EED: variants seen among roughly 807,000 people sequenced by gnomAD.
EED encodes embryonic ectoderm development.
EED carries 9 observed loss-of-function variants against 61.0 expected under a neutral mutation model. The ratio of observed to expected loss-of-function variants is 0.15; its 90% CI spans 0.09 to 0.26. EED has a LOEUF of 0.26. Ranked by LOEUF, EED falls within the 10% of genes least tolerant of loss-of-function variation. EED has a pLI of 1.00. For missense variants in EED, 315 were observed against 542.3 expected (o/e 0.58, Z 4.16); for synonymous variants, 187 against 174.4 (o/e 1.07, Z -0.57).
chr11:86,276,725 G>A (rs755145730), intron 9 of EED: 13 of 274,502 alleles, frequency 4.7e-5, no homozygotes, highest in Non-Finnish European at 8.1e-5. Flanking sequence ...AAAGAGAAAT[G>A]TTGACTTCCA....
At chr11:86,253,371 A>G (rs1037797490) in intron 3 of EED, among the ~76,000 whole-genome samples, 2 of 152,226 alleles carry the variant, frequency 1.3e-5, no homozygotes, top group African/African-American at 4.8e-5. Context: ...TTAAGACACC[A>G]CTGTAAACCT....
intron 9 of EED, among the ~76,000 whole-genome samples, chr11:86,273,149 G>T (rs1042955931): frequency 6.6e-6 from 1 of 152,068 alleles, no homozygotes; most frequent in African/African-American, 2.4e-5. Flanking sequence ...TCAGCCTCCC[G>T]AGTAGCTAGG....
chr11:86,280,800 G>A (rs1946314906), downstream of EED, among the ~76,000 whole-genome samples: 1 of 152,114 alleles, frequency 6.6e-6, no homozygotes, highest in African/African-American at 2.4e-5. Context: ...TTAGTTATTG[G>A]CATGTCACAC....
At chr11:86,246,718 A>G (rs1057173479) in intron 1 of EED, among the ~76,000 whole-genome samples, 2 of 152,156 alleles carry the variant, frequency 1.3e-5, no homozygotes, top group Admixed American at 1.3e-4. Flanking sequence ...CGTTCATTTT[A>G]TTTCTGCGTT....
chr11:86,274,357 C>T (rs1001346606), intron 9 of EED, among the ~76,000 whole-genome samples: 5 of 152,064 alleles, frequency 3.3e-5, no homozygotes, highest in African/African-American at 1.2e-4. Context: ...TATTGATTAT[C>T]TTTTTAAAGC....
chr11:86,278,175 A>T, intron 11 of EED, 184 bp downstream of exon 11: 1 of 1,326,444 alleles, frequency 7.5e-7, no homozygotes. Flanking sequence ...TACCTTGGTG[A>T]CAAGTCATTT....
At chr11:86,264,016 A>C (rs956831668) in intron 6 of EED, 156 bp from the exon 7 acceptor site, 2 of 585,928 alleles carry the variant, frequency 3.4e-6, no homozygotes, top group Non-Finnish European at 6.0e-6. Flanking sequence ...TCTACATCTG[A>C]TGTAAACATT....
rs1292309172 is a variant in EED at position 86,266,181 on chromosome 11, G to C, written c.825G>C (p.Lys275Asn). 1.4e-5 allele frequency: 23 copies of C among 1,602,868 alleles called. No homozygotes were observed. The highest frequency in any genetic ancestry group is 1.7e-5 in the Non-Finnish European group (20 of 1,172,366). Residue 275 changes from lysine (K) to asparagine (N), a missense_variant, in exon 8 of 12, where the codon AAG (lysine) becomes AAC (asparagine). By Grantham distance (94) the Lys-to-Asn change is moderately conservative (BLOSUM62 0). Coordinates refer to ENST00000263360, the MANE Select transcript of EED (RefSeq NM_003797.5). ...INSKRMMNAI[K>N]ESYDYNPNKT... ...CAAAGAGAATGATGAATGCAATTAA[G>C]GAATCTTATGATTATAATCCAAATA...
At chr11:86,252,595 T>A (rs933505449) in intron 3 of EED, among the ~76,000 whole-genome samples, 1 of 152,040 alleles carries the variant, frequency 6.6e-6, no homozygotes. Context: ...CTGGCTGTGA[T>A]TTTTTTAAAA....
At position 86,259,476 on chromosome 11, in the gene EED, T is replaced by C. The variant is rs1225765536; in HGVS notation, c.634+1880T>C. ...ACAGGCACGTGCCGCCATACCTGGC[T>C]AATTTTGTAAAAAATGTTTTTGTAG... On this transcript the variant is annotated intron_variant, in intron 6 of 11. Coordinates refer to ENST00000263360, the MANE Select transcript of EED (RefSeq NM_003797.5). Among the ~76,000 whole-genome samples, 4 of 152,116 alleles carry C rather than the reference T, an allele frequency of 2.6e-5. No homozygotes were observed. The East Asian group carries it at 5.8e-4, about 22-fold the overall frequency.
chr11:86,259,154 C>T (rs939654813), intron 6 of EED, among the ~76,000 whole-genome samples: 2 of 151,382 alleles, frequency 1.3e-5, no homozygotes, highest in African/African-American at 4.8e-5. Context: ...AGGCGTGAGC[C>T]ACTGCGCACA....
intron 6 of EED, among the ~76,000 whole-genome samples, chr11:86,258,739 A>G (rs1192157904): frequency 6.6e-6 from 1 of 151,204 alleles, no homozygotes; most frequent in East Asian, 2.0e-4. Flanking sequence ...TATTTTTAGT[A>G]GAGATACGGT....
intron 6 of EED, among the ~76,000 whole-genome samples, chr11:86,259,409 T>G (rs115507173): frequency 0.031 from 4,755 of 152,136 alleles, 241 homozygotes; most frequent in African/African-American, 0.11. Flanking sequence ...AGTGGTGTGA[T>G]CATGGCTCAC....
In EED at chr11:86,256,342, T is replaced by C; in HGVS notation, c.427-45T>C. 2.0e-6 allele frequency: 3 copies of C among 1,466,296 alleles called. No individual in the cohort carries two copies. In the South Asian group the frequency reaches 4.5e-5, roughly 22 times the overall value. The allele number at this position is 1,466,296 out of a possible 1,614,324, so 90.8% of individuals were successfully genotyped here. ...GTTTCTATTATAATTATTGACATGT[T>C]TCTTTTTCAAAAACATTATGTTTCT... On this transcript the variant is annotated intron_variant, in intron 4 of 11. Coordinates refer to ENST00000263360, the MANE Select transcript of EED (RefSeq NM_003797.5).
intron 9 of EED, 38 bp downstream of exon 9, chr11:86,268,599 G>GTGTT (rs924249792): frequency 2.0e-6 from 2 of 977,774 alleles, no homozygotes; most frequent in Non-Finnish European, 3.0e-6. Flanking sequence ...TCCATCGTGT[G>GTGTT]TGTGTGTGTG....
intron 6 of EED, 94 bp downstream of exon 6, chr11:86,257,690 C>A (rs756294242): frequency 5.0e-6 from 5 of 997,540 alleles, no homozygotes; most frequent in South Asian, 3.4e-5. Context: ...TAGGAAAAAC[C>A]ATGAGAAGAG....
At chr11:86,255,026 A>C (rs1307311273) in intron 3 of EED, among the ~76,000 whole-genome samples, 196 bp from the exon 4 acceptor site, 1 of 152,256 alleles carries the variant, frequency 6.6e-6, no homozygotes, top group African/African-American at 2.4e-5. Context: ...CTATTACTGC[A>C]ATATTTAATA....
At chr11:86,266,674 A>G (rs1945989358) in intron 8 of EED, among the ~76,000 whole-genome samples, 1 of 152,124 alleles carries the variant, frequency 6.6e-6, no homozygotes, top group African/African-American at 2.4e-5. Flanking sequence ...GTTTTTCCCT[A>G]AATGATGCTC....
intron 8 of EED, among the ~76,000 whole-genome samples, chr11:86,267,036 C>A (rs1268378854): frequency 6.6e-6 from 1 of 152,112 alleles, no homozygotes; most frequent in Non-Finnish European, 1.5e-5. Flanking sequence ...TTACCTTTCT[C>A]CTTTAAAACA....
Sources: allele counts gnomAD v4.1 joint callset (sites outside exome capture counted in the v4.1 genomes callset), GRCh38; gene constraint gnomAD v4.1.1; transcripts MANE v1.5; gene names NCBI Gene and HGNC (gene_info 2026-07-23, HGNC 2026-07-21).